Variants in ANKRD26 observed in about 807,000 individuals in gnomAD.
ANKRD26 encodes ankyrin repeat domain-containing protein 26.
A neutral mutation model predicts 208.7 loss-of-function variants in ANKRD26; 141 were observed. The observed-to-expected ratio is 0.68, with a 90% CI of 0.59 to 0.78. ANKRD26 has a LOEUF of 0.78. Among genes scored for constraint, ANKRD26 ranks in the 30% least tolerant of loss-of-function variants. ANKRD26 has a pLI of 0.00. For missense variants in ANKRD26, 1,889 were observed against 1,938.7 expected, an observed-to-expected ratio of 0.97 and a Z score of 0.48; for synonymous variants, 636 against 660.4, an observed-to-expected ratio of 0.96 and a Z score of 0.57.
chr10:26,963,498 T>C, the ANKRD26 span, among the ~76,000 whole-genome samples: 1 of 152,184 alleles, frequency 6.6e-6, no homozygotes, highest in African/African-American at 2.4e-5. Context: ...AAGCTGATGA[T>C]GCTACCATGC....
chr10:27,098,127 TTTTA>T (rs775503620), intron 1 of ANKRD26, among the ~76,000 whole-genome samples: 17 of 152,150 alleles, frequency 1.1e-4, no homozygotes, highest in Non-Finnish European at 2.4e-4. Context: ...CTTTTTTTAT[TTTTA>T]TTTTTTATCT....
At chr10:27,100,017 C>T in intron 1 of ANKRD26, 68 bp downstream of exon 1, 2 of 1,606,184 alleles carry the variant, frequency 1.2e-6, no homozygotes. Context: ...GTGGCTCCCA[C>T]AAAAGGGGCC....
At chr10:27,070,421 C>T (rs911711782) in intron 9 of ANKRD26, among the ~76,000 whole-genome samples, 2 of 151,998 alleles carry the variant, frequency 1.3e-5, no homozygotes, top group Non-Finnish European at 2.9e-5. Context: ...GAAAAGAAAG[C>T]TATGATTATC....
chr10:26,951,019 C>CTTTTTTTTTTTATTTTTTTT, the ANKRD26 span, among the ~76,000 whole-genome samples: 1 of 48,582 alleles, frequency 2.1e-5, no homozygotes, highest in Non-Finnish European at 5.5e-5. Flanking sequence ...TTTTCTTTTT[C>CTTTTTTTTTTTATTTTTTTT]TTTTTTTTTT....
intron 1 of ANKRD26, among the ~76,000 whole-genome samples, chr10:27,099,563 G>GC (rs1491338853): frequency 3.2e-5 from 1 of 31,638 alleles, no homozygotes; most frequent in Non-Finnish European, 7.0e-5. Flanking sequence ...TATTAGAGTT[G>GC]GGGGGGGGGG....
chr10:26,964,597 T>A, the ANKRD26 span, among the ~76,000 whole-genome samples: 1 of 152,202 alleles, frequency 6.6e-6, no homozygotes, highest in African/African-American at 2.4e-5. Context: ...TCCCATCTCA[T>A]CAGAGATTAC....
At chr10:26,970,163 T>A (rs114779068), downstream of ANKRD26, among the ~76,000 whole-genome samples, 1 of 152,036 alleles carries the variant, frequency 6.6e-6, no homozygotes, top group Non-Finnish European at 1.5e-5. Flanking sequence ...ACTAGATAAT[T>A]GTAAAGTACA....
At chr10:27,059,637 A>G (rs1255283163) in intron 15 of ANKRD26, among the ~76,000 whole-genome samples, 1 of 152,202 alleles carries the variant, frequency 6.6e-6, no homozygotes, top group African/African-American at 2.4e-5. Context: ...CTGTCCGGGC[A>G]TGGTGGCTCA....
chr10:26,958,614 C>G, the ANKRD26 span, among the ~76,000 whole-genome samples: 1 of 152,152 alleles, frequency 6.6e-6, no homozygotes, highest in Admixed American at 6.5e-5. Flanking sequence ...GCTTCCAACT[C>G]CATCCATGTC....
chr10:27,095,556 T>A lies in ANKRD26; in HGVS notation c.243-1757A>T, dbSNP rs2056441660. On this transcript the variant is annotated intron_variant, in intron 1 of 33. Transcript: ENST00000376087. The stretch of plus-strand genomic sequence containing the variant: ...GGTGGTACATGCCTGTAATCCCAGC[T>A]ACTCGAGGGGGCTGAGGCAGGAGAA... Among the ~76,000 whole-genome samples the A allele has an allele frequency of 3.3e-5, 5 of 152,248 alleles. No individual in the cohort carries two copies. In the South Asian group the frequency reaches 1.0e-3, roughly 32 times the overall value.
intron 16 of ANKRD26, 128 bp from the exon 17 acceptor site, chr10:27,049,107 C>T (rs933201347): frequency 1.3e-6 from 1 of 747,454 alleles, no homozygotes; most frequent in Non-Finnish European, 2.1e-6. Flanking sequence ...ATATTTTCTG[C>T]TTACTCTAAT....
chr10:27,058,914 G>GGT (rs1554786224), intron 15 of ANKRD26, among the ~76,000 whole-genome samples: 12 of 104,328 alleles, frequency 1.2e-4, no homozygotes, highest in African/African-American at 2.9e-4. Context: ...TTTGTTTTTT[G>GGT]TTTTTTTGTT....
intron 29 of ANKRD26, 34 bp downstream of exon 29, chr10:27,022,524 G>T: frequency 6.9e-7 from 1 of 1,439,790 alleles, no homozygotes; most frequent in Non-Finnish European, 9.6e-7. Context: ...AAAATTAAGT[G>T]ACTTTTTTGG....
chr10:26,983,217 T>A (rs1036821025), intron 3 of ANKRD26, among the ~76,000 whole-genome samples: 1 of 152,190 alleles, frequency 6.6e-6, no homozygotes, highest in Non-Finnish European at 1.5e-5. Flanking sequence ...ATCTTTAATA[T>A]CTATTTGTGG....
chr10:27,017,565 CT>C lies in ANKRD26; in HGVS notation c.4442del (p.Glu1481GlyfsTer10), dbSNP rs777300369. On this transcript the variant is annotated frameshift_variant, in exon 30 of 34. Coordinates refer to ENST00000376087, the MANE Select transcript of ANKRD26 (RefSeq NM_014915.3). LOFTEE classifies it high-confidence loss of function. ...ELGQVKQYKQ[E>X]IEERARQEIA... ...TTTCCTGTCTTGCTCTTTCTTCAAT[CT>C]CCTGTTTATACTGTTTGACTTGACC... 8 of 1,613,716 alleles carry C rather than the reference CT, an allele frequency of 5.0e-6. No homozygotes were observed. The highest frequency in any genetic ancestry group is 6.8e-6 in the Non-Finnish European group (8 of 1,179,842).
At chr10:27,052,064 T>G (rs1053406420) in intron 16 of ANKRD26, 3 of 985,300 alleles carry the variant, frequency 3.0e-6, no homozygotes, top group Non-Finnish European at 3.6e-6. Flanking sequence ...TTTGCAGACA[T>G]GAAAGTGGAC....
At chr10:27,042,519 C>T (rs2054279312) in intron 20 of ANKRD26, among the ~76,000 whole-genome samples, 1 of 151,846 alleles carries the variant, frequency 6.6e-6, no homozygotes. Context: ...TTTGGGAGGC[C>T]AAGGCGGGTG....
At chr10:27,071,820 C>G (rs970286765) in intron 9 of ANKRD26, among the ~76,000 whole-genome samples, 1 of 152,204 alleles carries the variant, frequency 6.6e-6, no homozygotes, top group Non-Finnish European at 1.5e-5. Flanking sequence ...AGCCCTAACT[C>G]CCCCCGCGCT....
At chr10:26,974,902 G>A (rs984632579) in exon 6 of ANKRD26, among the ~76,000 whole-genome samples, 2 of 149,422 alleles carry the variant, frequency 1.3e-5, no homozygotes, top group South Asian at 2.1e-4. Context: ...CTTTGTGGGT[G>A]ATCAGTCTTT....
Sources: allele counts gnomAD v4.1 joint callset (sites outside exome capture counted in the v4.1 genomes callset), GRCh38; gene constraint gnomAD v4.1.1; transcripts MANE v1.5; gene names NCBI Gene and HGNC (gene_info 2026-07-23, HGNC 2026-07-21).